The following TPD52L1 variants were observed in gnomAD, a reference collection of about 807,000 sequenced individuals.
TPD52L1 encodes TPD52 like 1.
TPD52L1 carries 18 observed loss-of-function variants against 28.7 expected under a neutral mutation model. The observed-to-expected ratio is 0.63, with a 90% CI of 0.43 to 0.93. The LOEUF is 0.93. Ranked by LOEUF, TPD52L1 falls within the 40% of genes least tolerant of loss-of-function variation. The pLI is 0.00. For missense variants in TPD52L1, 203 were observed against 254.8 expected, an observed-to-expected ratio of 0.80 and a Z score of 1.39; for synonymous variants, 75 against 88.8, an observed-to-expected ratio of 0.84 and a Z score of 0.88.
chr6:125,154,813 G>A (rs1454714233), intron 1 of TPD52L1, among the ~76,000 whole-genome samples: 1 of 152,180 alleles, frequency 6.6e-6, no homozygotes, highest in Non-Finnish European at 1.5e-5. Flanking sequence ...GATCTACCTT[G>A]GGGAGCAACG....
intron 1 of TPD52L1, among the ~76,000 whole-genome samples, chr6:125,187,611 A>G (rs1414027657): frequency 6.6e-6 from 1 of 152,326 alleles, no homozygotes; most frequent in Admixed American, 6.5e-5. Context: ...TAACTCCAAC[A>G]TTTGGCACAT....
intron 1 of TPD52L1, among the ~76,000 whole-genome samples, chr6:125,198,028 C>G (rs1793558173): frequency 6.6e-6 from 1 of 152,164 alleles, no homozygotes. Flanking sequence ...TCAACACAGT[C>G]AAAGCCCTAC....
chr6:125,181,629 T>G (rs955906395), intron 1 of TPD52L1, among the ~76,000 whole-genome samples: 25 of 152,218 alleles, frequency 1.6e-4, no homozygotes, highest in Non-Finnish European at 3.2e-4. Flanking sequence ...TCACAAACAT[T>G]TGGTAAACAT....
chr6:125,193,463 A>G (rs905863106), intron 1 of TPD52L1, among the ~76,000 whole-genome samples: 2 of 152,110 alleles, frequency 1.3e-5, no homozygotes, highest in Non-Finnish European at 2.9e-5. Context: ...GCTGAGAACC[A>G]GTAGACTCAA....
Position 125,153,870 on chromosome 6 carries a change from C to A in TPD52L1, c.-82C>A, listed in dbSNP as rs1582813406. ...TGGGAGCGAGCGGCGGGGCCAGCTG[C>A]GTTCTGAGCCTGGGCGCAGCTGCCA... On this transcript the variant is annotated 5_prime_UTR_variant, in exon 1 of 7. Coordinates refer to ENST00000534000, the MANE Select transcript of TPD52L1 (RefSeq NM_003287.4). 1 of 1,497,862 alleles carries A rather than the reference C, an allele frequency of 6.7e-7. No individual in the cohort carries two copies. Among genetic ancestry groups the A allele is most frequent in the East Asian group, 2.5e-5 (1 of 40,052 alleles). The allele number at this position is 1,497,862 out of a possible 1,614,324, so 92.8% of individuals were successfully genotyped here.
intron 2 of TPD52L1, 52 bp from the exon 3 acceptor site, chr6:125,229,066 C>T (rs370506457): frequency 6.4e-4 from 1,017 of 1,580,634 alleles, no homozygotes; most frequent in Non-Finnish European, 7.9e-4. Flanking sequence ...CTGTAAGTAT[C>T]CTTTTTTGCT....
At chr6:125,182,718 T>G (rs556294065) in intron 1 of TPD52L1, among the ~76,000 whole-genome samples, 6 of 152,332 alleles carry the variant, frequency 3.9e-5, no homozygotes, top group African/African-American at 1.2e-4. Context: ...TGAAGAACTG[T>G]CAGTAAATAT....
chr6:125,186,105 G>A (rs1044941500), intron 1 of TPD52L1, among the ~76,000 whole-genome samples: 1 of 152,028 alleles, frequency 6.6e-6, no homozygotes, highest in African/African-American at 2.4e-5. Flanking sequence ...TGTCGATCAG[G>A]CTGGTCTCGA....
rs186447169 is a variant in TPD52L1, at chr6:125,229,266, C to A, written c.284C>A (p.Ala95Asp). Residue 95 changes from alanine to aspartate, a missense_variant and splice_region_variant, in exon 3 of 7, where the codon GCC (alanine) becomes GAC (aspartate). Physicochemically the swap from Ala to Asp is moderately radical, Grantham distance 126. Coordinates refer to ENST00000534000, the MANE Select transcript of TPD52L1 (RefSeq NM_003287.4). ...KSWHDMQTTT[A>D]YKKTHETLSH... ...TGGCATGACATGCAGACTACCACTG[C>A]GTAAGTATCATATGAACAGTGTTTT... 1 of 1,610,410 alleles carries A rather than the reference C, an allele frequency of 6.2e-7. No individual in the cohort carries two copies. The highest frequency in any genetic ancestry group is 1.7e-5 in the Admixed American group (1 of 59,392).
chr6:125,212,713 G>A (rs888547920), intron 1 of TPD52L1, among the ~76,000 whole-genome samples: 1 of 152,228 alleles, frequency 6.6e-6, no homozygotes, highest in Non-Finnish European at 1.5e-5. Flanking sequence ...TGAGCCCCAG[G>A]TCCCATGAAT....
intron 3 of TPD52L1, among the ~76,000 whole-genome samples, chr6:125,230,960 C>G (rs887455687): frequency 4.6e-5 from 7 of 152,170 alleles, no homozygotes; most frequent in African/African-American, 1.7e-4. Flanking sequence ...GTTGCAACAC[C>G]ATATGAACAA....
At chr6:125,226,123 C>G (rs987224808) in intron 2 of TPD52L1, among the ~76,000 whole-genome samples, 2 of 152,052 alleles carry the variant, frequency 1.3e-5, no homozygotes, top group African/African-American at 2.4e-5. Flanking sequence ...CCAACTTTTG[C>G]GATTAGTTTT....
chr6:125,192,522 T>G (rs1016141215), intron 1 of TPD52L1, among the ~76,000 whole-genome samples: 2 of 152,082 alleles, frequency 1.3e-5, no homozygotes, highest in Non-Finnish European at 2.9e-5. Flanking sequence ...AGAGAGCCCT[T>G]GATTTTATCT....
At chr6:125,246,239 A>G (rs1372496095) in intron 3 of TPD52L1, among the ~76,000 whole-genome samples, 1 of 152,176 alleles carries the variant, frequency 6.6e-6, no homozygotes, top group Non-Finnish European at 1.5e-5. Context: ...AGTGGAATTC[A>G]GAGGCAGGTG....
chr6:125,214,574 CA>C (rs1454747732), intron 1 of TPD52L1: 15 of 449,396 alleles, frequency 3.3e-5, no homozygotes, highest in East Asian at 1.6e-4. Context: ...AACATTGCCT[CA>C]AAAAAAACTT....
intron 3 of TPD52L1, 94 bp downstream of exon 3, chr6:125,229,360 T>C (rs1321134618): frequency 1.2e-5 from 15 of 1,275,684 alleles, no homozygotes; most frequent in Non-Finnish European, 1.6e-5. Context: ...GCTGATTTGG[T>C]GCATGAAGCT....
At chr6:125,243,942 C>T (rs1296026388) in intron 3 of TPD52L1, among the ~76,000 whole-genome samples, 1 of 152,024 alleles carries the variant, frequency 6.6e-6, no homozygotes, top group Admixed American at 6.5e-5. Flanking sequence ...TAAAATTGTT[C>T]TTGAATTTAT....
intron 3 of TPD52L1, 106 bp from the exon 4 acceptor site, chr6:125,248,176 A>G: frequency 1.1e-6 from 1 of 910,854 alleles, no homozygotes; most frequent in East Asian, 2.7e-5. Flanking sequence ...TCTTCTTCCT[A>G]AATCTGTTGA....
At chr6:125,179,558 A>G (rs1582871023) in intron 1 of TPD52L1, among the ~76,000 whole-genome samples, 2 of 152,360 alleles carry the variant, frequency 1.3e-5, no homozygotes, top group South Asian at 4.1e-4. Context: ...GCATTTCACA[A>G]GCAGATAGTC....
Sources: gnomAD v4.1 joint callset for allele counts (sites outside exome capture counted in the v4.1 genomes callset) on GRCh38, gnomAD v4.1.1 for gene constraint, MANE v1.5 for transcripts, NCBI Gene and HGNC (gene_info 2026-07-23, HGNC 2026-07-21) for gene names.